SPECC1L: variants seen among roughly 807,000 people sequenced by gnomAD.
SPECC1L encodes sperm antigen with calponin homology and coiled-coil domains 1 like.
A neutral mutation model predicts 116.8 loss-of-function variants in SPECC1L; 40 were observed. The observed-to-expected ratio is 0.34, with a 90% confidence interval of 0.27 to 0.45. The LOEUF is 0.45. Among genes scored for constraint, SPECC1L ranks in the 20% least tolerant of loss-of-function variants. SPECC1L has a pLI of 1.00. For synonymous variants in SPECC1L, 504 were observed against 500.6 expected (o/e 1.01, Z -0.09); for missense variants, 1,110 against 1,373.6 (o/e 0.81, Z 3.03).
intron 14 of SPECC1L, among the ~76,000 whole-genome samples, chr22:24,376,502 T>C (rs192953749): frequency 6.6e-6 from 1 of 152,352 alleles, no homozygotes; most frequent in East Asian, 1.9e-4. Flanking sequence ...GGAATAAATT[T>C]AACCAAGGAG....
intron 2 of SPECC1L, among the ~76,000 whole-genome samples, chr22:24,277,794 T>G (rs950341570): frequency 3.3e-5 from 5 of 152,224 alleles, no homozygotes; most frequent in Non-Finnish European, 7.3e-5. Flanking sequence ...AACATTTGCG[T>G]TTTTGCCACT....
At chr22:24,328,570 T>C (rs1054735482) in intron 6 of SPECC1L, among the ~76,000 whole-genome samples, 5 of 152,204 alleles carry the variant, frequency 3.3e-5, no homozygotes, top group Admixed American at 3.3e-4. Context: ...ACAAAGTGAA[T>C]TTCTAACGGT....
chr22:24,315,789 A>G (rs950177545), intron 4 of SPECC1L, among the ~76,000 whole-genome samples: 3 of 152,210 alleles, frequency 2.0e-5, no homozygotes, highest in Non-Finnish European at 2.9e-5. Flanking sequence ...TATTTTCTCA[A>G]ATCTGGAAGC....
chr22:24,404,122 C>A (rs1471096665), intron 14 of SPECC1L, among the ~76,000 whole-genome samples: 1 of 152,216 alleles, frequency 6.6e-6, no homozygotes, highest in Non-Finnish European at 1.5e-5. Context: ...ACACACTCTT[C>A]CTTTGCCTTC....
At chr22:24,378,923 G>A (rs1416060593) in intron 14 of SPECC1L, among the ~76,000 whole-genome samples, 2 of 152,072 alleles carry the variant, frequency 1.3e-5, no homozygotes, top group East Asian at 3.8e-4. Context: ...ACATACTGTT[G>A]GCAAGATGAT....
At chr22:24,394,775 G>C (rs77828122) in intron 14 of SPECC1L, among the ~76,000 whole-genome samples, 15 of 152,268 alleles carry the variant, frequency 9.9e-5, no homozygotes, top group Non-Finnish European at 2.1e-4. Flanking sequence ...ATAACTAATG[G>C]TGTTAAGCAT....
intron 8 of SPECC1L, among the ~76,000 whole-genome samples, chr22:24,333,864 G>T (rs1283952945): frequency 6.6e-6 from 1 of 151,942 alleles, no homozygotes; most frequent in Middle Eastern, 3.2e-3. Context: ...GATGAAAATG[G>T]AATTTGATGG....
At chr22:24,379,702 A>G (rs563037688) in intron 14 of SPECC1L, among the ~76,000 whole-genome samples, 5 of 152,238 alleles carry the variant, frequency 3.3e-5, no homozygotes, top group Non-Finnish European at 5.9e-5. Context: ...TTTCCTATCG[A>G]CACTTCTTTG....
Position 24,324,237 on chromosome 22 carries a change from A to G in SPECC1L, c.1956A>G (p.Arg652=), listed in dbSNP as rs757765534. 1.9e-6 allele frequency: 3 copies of G among 1,614,004 alleles called. No homozygotes were observed. The highest frequency in any genetic ancestry group is 4.5e-5 in the East Asian group (2 of 44,866). The change falls in exon 6 of 17, where the codon CGA becomes CGG. Residue 652 remains arginine, a synonymous_variant. Coordinates refer to ENST00000314328, the MANE Select transcript of SPECC1L (RefSeq NM_015330.6). ...TTACGTAGGTAGAGGATGAATACCG[A>G]GCCTTCCAAGAAGAAGCTAAGAAAC... ...DAIAKVEDEY[R]AFQEEAKKQI...
intron 15 of SPECC1L, chr22:24,412,208 C>A: frequency 1.1e-5 from 4 of 355,548 alleles, no homozygotes. Flanking sequence ...AGAAGCCCTA[C>A]CCAGAGGGCC....
intron 2 of SPECC1L, among the ~76,000 whole-genome samples, chr22:24,294,405 G>A (rs988482758): frequency 2.8e-5 from 4 of 143,846 alleles, no homozygotes; most frequent in Admixed American, 2.1e-4. Context: ...TTTTTGAGAT[G>A]GAGTCTCACT....
intron 14 of SPECC1L, among the ~76,000 whole-genome samples, chr22:24,396,433 G>A (rs1242650481): frequency 6.6e-6 from 1 of 152,030 alleles, no homozygotes. Flanking sequence ...GAGTAGCTGG[G>A]ATTACAGGCG....
In SPECC1L at chr22:24,416,328, G is replaced by C. The variant is rs2042800489; in HGVS notation, c.*1705G>C. Reference sequence around the variant, plus strand: ...TGGTGAAATGCCTGTTTTCAGCTAAGAAAGGAGAGGCCAGGCAAGCAAAGT... The same window carrying C: ...TGGTGAAATGCCTGTTTTCAGCTAACAAAGGAGAGGCCAGGCAAGCAAAGT... On this transcript the variant is annotated 3_prime_UTR_variant, in exon 17 of 17. Transcript: ENST00000314328. 6.6e-6 allele frequency: 1 copy of C among 151,720 alleles called. No individual in the cohort carries two copies. Among genetic ancestry groups the C allele is most frequent in the African/African-American group, 2.4e-5 (1 of 40,946 alleles). The allele number at this position is 151,720 out of a possible 1,614,324, so 9.4% of individuals were successfully genotyped here.
rs961607866 is a variant in SPECC1L, at chr22:24,334,289, G to A, written c.2397-121G>A. 8.2e-6 allele frequency: 8 copies of A among 972,720 alleles called. No homozygotes were observed. In the African/African-American group the frequency reaches 1.1e-4, roughly 14 times the overall value. 60.3% of individuals were successfully genotyped at this position (972,720 alleles called of 1,614,324 possible). On this transcript the variant is annotated intron_variant, in intron 8 of 16. Transcript: ENST00000314328. ...GGCCTCCCAAAGTGCTGGGATTACA[G>A]GTGTGAGCCACCGTGCCCGGCCATT...
At chr22:24,290,317 G>C (rs937887072) in intron 2 of SPECC1L, among the ~76,000 whole-genome samples, 1 of 152,192 alleles carries the variant, frequency 6.6e-6, no homozygotes, top group Non-Finnish European at 1.5e-5. Context: ...AGTTTCTTTC[G>C]TCCTGGAGTT....
intron 6 of SPECC1L, among the ~76,000 whole-genome samples, chr22:24,324,891 T>C (rs985020105): frequency 6.6e-6 from 1 of 152,140 alleles, no homozygotes; most frequent in Non-Finnish European, 1.5e-5. Flanking sequence ...CCTGTGTCCA[T>C]GGTAACTGCC....
intron 14 of SPECC1L, among the ~76,000 whole-genome samples, chr22:24,395,709 C>T (rs547559886): frequency 5.9e-5 from 9 of 152,284 alleles, no homozygotes; most frequent in African/African-American, 2.2e-4. Context: ...GTGATATCAG[C>T]TCACTGGAAC....
At chr22:24,338,294 C>A in intron 9 of SPECC1L, 92 bp from the exon 10 acceptor site, 2 of 1,246,434 alleles carry the variant, frequency 1.6e-6, no homozygotes, top group Non-Finnish European at 2.4e-6. Context: ...GGTTTGAGAG[C>A]ATTGGGTAAT....
chr22:24,328,962 T>C (rs1358225490), intron 7 of SPECC1L, 43 bp downstream of exon 7: 1 of 1,442,482 alleles, frequency 6.9e-7, no homozygotes, highest in East Asian at 2.3e-5. Flanking sequence ...AAAACGGTTT[T>C]CTGAAATCTG....
Sources: gnomAD v4.1 joint callset for allele counts (sites outside exome capture counted in the v4.1 genomes callset) on GRCh38, gnomAD v4.1.1 for gene constraint, MANE v1.5 for transcripts, NCBI Gene and HGNC (gene_info 2026-07-23, HGNC 2026-07-21) for gene names.